The following DCAF4L1 variants were observed in gnomAD, a reference collection of about 807,000 sequenced individuals.
DCAF4L1 encodes DDB1 and CUL4 associated factor 4 like 1.
In DCAF4L1, 4 loss-of-function variants were observed where a neutral mutation model predicts 28.2. The ratio of observed to expected loss-of-function variants is 0.14; its 90% CI spans 0.07 to 0.33. The LOEUF is 0.33. Ranked by LOEUF, DCAF4L1 falls within the 10% of genes least tolerant of loss-of-function variation. The pLI is 1.00. For missense variants in DCAF4L1, 331 were observed against 506.1 expected (o/e 0.65, Z 3.32); for synonymous variants, 252 against 212.1 (o/e 1.19, Z -1.63).
In DCAF4L1 at chr4:41,985,667, G is replaced by A. The variant is rs548106648; in HGVS notation, c.*2684G>A. 1 of 167,184 alleles carries A rather than the reference G, an allele frequency of 6.0e-6. No individual in the cohort carries two copies. The highest frequency in any genetic ancestry group is 2.4e-5 in the African/African-American group (1 of 41,576). 10.4% of individuals were successfully genotyped at this position (167,184 alleles called of 1,614,324 possible). ...TACCCAAATGTTCATTAATAGTAGA[G>A]TGGATAAATTGTGGGATATTAACAC... On this transcript the variant is annotated 3_prime_UTR_variant, in exon 1 of 1. Transcript: ENST00000333141.
At position 41,984,949 on chromosome 4, in the gene DCAF4L1, A is replaced by G. The variant is rs1447510912; in HGVS notation, c.*1966A>G. ...ACTTGCTGTTGTTTCTTCAGTGTAA[A>G]ATGTCTTAGATAATAAAACTAAATG... On this transcript the variant is annotated 3_prime_UTR_variant, in exon 1 of 1. Transcript: ENST00000333141. The G allele has an allele frequency of 6.0e-6, 1 of 167,038 alleles. No homozygotes were observed. The highest frequency in any genetic ancestry group is 1.5e-5 in the Non-Finnish European group (1 of 68,100). 10.3% of individuals were successfully genotyped at this position (167,038 alleles called of 1,614,324 possible).
chr4:41,982,633 G>A lies in DCAF4L1; in HGVS notation c.841G>A (p.Glu281Lys), dbSNP rs939114622. The A allele has an allele frequency of 5.0e-6, 8 of 1,614,142 alleles. No homozygotes were observed. The highest frequency in any genetic ancestry group is 2.7e-5 in the African/African-American group (2 of 74,940). ...AGTGACCTCTGTGCAAATCCTCCAA[G>A]AAGAGCAATGCCTGATGGCATCAGA... ...SAVTSVQILQ[E>K]EQCLMASDMT... Residue 281 changes from glutamate (E) to lysine (K), a missense_variant, in exon 1 of 1, where the codon GAA becomes AAA. Coordinates refer to ENST00000333141, the MANE Select transcript of DCAF4L1 (RefSeq NM_001029955.4). The surrounding 1 kb of genome is among the most constrained non-coding windows in gnomAD (Gnocchi z 4.4).
chr4:41,986,269 T>C lies in DCAF4L1; in HGVS notation c.*3286T>C, dbSNP rs1416238750. 1.2e-5 allele frequency: 2 copies of C among 167,098 alleles called. No homozygotes were observed. The highest frequency in any genetic ancestry group is 4.8e-5 in the African/African-American group (2 of 41,432). The allele number at this position is 167,098 out of a possible 1,614,324, so 10.4% of individuals were successfully genotyped here. The stretch of plus-strand genomic sequence containing the variant: ...GTTAGTCGCTCCTGTTTCCTTAGTT[T>C]GGGATTCTGAGCACACATTCGTTTT... On this transcript the variant is annotated 3_prime_UTR_variant, in exon 1 of 1. Coordinates refer to ENST00000333141, the MANE Select transcript of DCAF4L1 (RefSeq NM_001029955.4).
chr4:41,981,991 T>G lies in DCAF4L1; in HGVS notation c.199T>G (p.Ser67Ala). ...GGTCCAAATTCGGAGCTTGGATCCCTCCTCTTTGGCGAGCGACCGATTTAA... is the reference window on the plus strand; with the variant it reads ...GGTCCAAATTCGGAGCTTGGATCCCGCCTCTTTGGCGAGCGACCGATTTAA... ...KKVQIRSLDP[S>A]SLASDRFNFI... Residue 67 changes from serine (S) to alanine (A), a missense_variant, in exon 1 of 1, where the codon TCC (serine) becomes GCC (alanine). Physicochemically the swap from Ser to Ala is moderately conservative, Grantham distance 99. Transcript: ENST00000333141. 6.2e-7 allele frequency: 1 copy of G among 1,614,230 alleles called. No homozygotes were observed. The highest frequency in any genetic ancestry group is 1.1e-5 in the South Asian group (1 of 91,090).
chr4:41,986,327 T>TA lies in DCAF4L1; in HGVS notation c.*3345dup, dbSNP rs1180314725. 1 of 166,562 alleles carries TA rather than the reference T, an allele frequency of 6.0e-6. No homozygotes were observed. Among genetic ancestry groups the TA allele is most frequent in the Admixed American group, 6.6e-5 (1 of 15,150 alleles). 10.3% of individuals were successfully genotyped at this position (166,562 alleles called of 1,614,324 possible). On this transcript the variant is annotated 3_prime_UTR_variant, in exon 1 of 1. Coordinates refer to ENST00000333141, the MANE Select transcript of DCAF4L1 (RefSeq NM_001029955.4). ...AGGGTCGTTCTCAGGATATGGTTGT[T>TA]ACTGCTGTCAGGTGCATCCTCTCTA...
Position 41,985,773 on chromosome 4 carries a change from A to C in DCAF4L1, c.*2790A>C, listed in dbSNP as rs1292435863. The C allele has an allele frequency of 6.0e-6, 1 of 167,096 alleles. No homozygotes were observed. Among genetic ancestry groups the C allele is most frequent in the African/African-American group, 2.4e-5 (1 of 41,448 alleles). 10.4% of individuals were successfully genotyped at this position (167,096 alleles called of 1,614,324 possible). On this transcript the variant is annotated 3_prime_UTR_variant, in exon 1 of 1. Coordinates refer to ENST00000333141, the MANE Select transcript of DCAF4L1 (RefSeq NM_001029955.4). ...ACATAATGTTGAAATAAAGATGCCA[A>C]ACACAAAAGAGCACATATTGTACAA...
rs1714107763 is a variant in DCAF4L1 at position 41,985,042 on chromosome 4, A to G, written c.*2059A>G. On this transcript the variant is annotated 3_prime_UTR_variant, in exon 1 of 1. Transcript: ENST00000333141. ...TTACATTGTAAGCATTCAAAATAAAACAAAACAATTAATGAAGAAAAGACA... is the reference window on the plus strand; with the variant it reads ...TTACATTGTAAGCATTCAAAATAAAGCAAAACAATTAATGAAGAAAAGACA... The G allele has an allele frequency of 6.0e-6, 1 of 166,998 alleles. No homozygotes were observed. The highest frequency in any genetic ancestry group is 1.5e-5 in the Non-Finnish European group (1 of 68,098). 10.3% of individuals were successfully genotyped at this position (166,998 alleles called of 1,614,324 possible). A position where few individuals can be genotyped will look rare whatever the true frequency, so the allele number is the denominator to read the frequency against.
rs1714053350 is a variant in DCAF4L1 at position 41,983,372 on chromosome 4, G to A, written c.*389G>A. 1 of 177,558 alleles carries A rather than the reference G, an allele frequency of 5.6e-6. No individual in the cohort carries two copies. The highest frequency in any genetic ancestry group is 1.7e-4 in the South Asian group (1 of 5,882). The allele number at this position is 177,558 out of a possible 1,614,324, so 11.0% of individuals were successfully genotyped here. A position where few individuals can be genotyped will look rare whatever the true frequency, so the allele number is the denominator to read the frequency against. ...TTAGAGAAGCATAATGATGGTACTGGTAAGACTGTTTGACTAATCATACAG... is the reference window on the plus strand; with the variant it reads ...TTAGAGAAGCATAATGATGGTACTGATAAGACTGTTTGACTAATCATACAG... On this transcript the variant is annotated 3_prime_UTR_variant, in exon 1 of 1. Coordinates refer to ENST00000333141, the MANE Select transcript of DCAF4L1 (RefSeq NM_001029955.4).
rs1474869029 is a variant in DCAF4L1, at chr4:41,985,200, G to A, written c.*2217G>A. ...CTTGATAAACTGTTTATCCTCATTT[G>A]CAAAGAAAACAAATGCAAAAAAAAA... On this transcript the variant is annotated 3_prime_UTR_variant, in exon 1 of 1. Transcript: ENST00000333141. 1 of 166,238 alleles carries A rather than the reference G, an allele frequency of 6.0e-6. No individual in the cohort carries two copies. The highest frequency in any genetic ancestry group is 1.5e-5 in the Non-Finnish European group (1 of 67,944). 10.3% of individuals were successfully genotyped at this position (166,238 alleles called of 1,614,324 possible).
chr4:41,982,281 GTTC>G lies in DCAF4L1; in HGVS notation c.492_494del (p.Phe164del). On this transcript the variant is annotated inframe_deletion, in exon 1 of 1. Coordinates refer to ENST00000333141, the MANE Select transcript of DCAF4L1 (RefSeq NM_001029955.4). The surrounding 1 kb of genome is among the most constrained non-coding windows in gnomAD (Gnocchi z 4.4). ...GTGCAGTGCTGCTCCCAGCGTCGCG[GTTC>G]TTAAGTGTTCACACAAGAGTTAACC... 6.2e-7 allele frequency: 1 copy of G among 1,614,204 alleles called. No homozygotes were observed.
rs1227685343 is a variant in DCAF4L1, at chr4:41,984,065, G to C, written c.*1082G>C. 6.1e-6 allele frequency: 1 copy of C among 163,056 alleles called. No homozygotes were observed. Among genetic ancestry groups the C allele is most frequent in the Non-Finnish European group, 1.5e-5 (1 of 68,078 alleles). 10.1% of individuals were successfully genotyped at this position (163,056 alleles called of 1,614,324 possible). On this transcript the variant is annotated 3_prime_UTR_variant, in exon 1 of 1. Coordinates refer to ENST00000333141, the MANE Select transcript of DCAF4L1 (RefSeq NM_001029955.4). ...AAAAACTTGTCTATGGTGATTAAAGGTAGAGTAGTACGTACCTCTGTAGAA... is the reference window on the plus strand; with the variant it reads ...AAAAACTTGTCTATGGTGATTAAAGCTAGAGTAGTACGTACCTCTGTAGAA...
Position 41,984,586 on chromosome 4 carries a change from C to T in DCAF4L1, c.*1603C>T, listed in dbSNP as rs1327734796. The stretch of plus-strand genomic sequence containing the variant: ...GTAGATGATGGTGTCGTTTACTAAC[C>T]TGGGGAGGATGAGGAGAAAAAACTT... On this transcript the variant is annotated 3_prime_UTR_variant, in exon 1 of 1. Transcript: ENST00000333141. 1 of 166,722 alleles carries T rather than the reference C, an allele frequency of 6.0e-6. No homozygotes were observed. Among genetic ancestry groups the T allele is most frequent in the African/African-American group, 2.4e-5 (1 of 41,318 alleles). 10.3% of individuals were successfully genotyped at this position (166,722 alleles called of 1,614,324 possible).
rs1301647683 is a variant in DCAF4L1 at position 41,983,254 on chromosome 4, C to G, written c.*271C>G. 1 of 251,098 alleles carries G rather than the reference C, an allele frequency of 4.0e-6. No individual in the cohort carries two copies. Among genetic ancestry groups the G allele is most frequent in the African/African-American group, 2.6e-5 (1 of 38,454 alleles). 15.6% of individuals were successfully genotyped at this position (251,098 alleles called of 1,614,324 possible). A position where few individuals can be genotyped will look rare whatever the true frequency, so the allele number is the denominator to read the frequency against. ...TAGAACAGTTAACCACCTCCCCAAC[C>G]CTTTTTTTTTTTAAATAATTAAGAC... On this transcript the variant is annotated 3_prime_UTR_variant, in exon 1 of 1. Coordinates refer to ENST00000333141, the MANE Select transcript of DCAF4L1 (RefSeq NM_001029955.4).
chr4:41,983,083 T>C lies in DCAF4L1; in HGVS notation c.*100T>C. On this transcript the variant is annotated 3_prime_UTR_variant, in exon 1 of 1. Transcript: ENST00000333141. ...AGAGCATTTTAAGAGACGTGTTGTA[T>C]ATAGATCGCATCCATCCGGCTGCCA... 4.5e-6 allele frequency: 5 copies of C among 1,105,920 alleles called. No homozygotes were observed. Among genetic ancestry groups the C allele is most frequent in the Non-Finnish European group, 6.4e-6 (5 of 776,204 alleles). The allele number at this position is 1,105,920 out of a possible 1,614,324, so 68.5% of individuals were successfully genotyped here.
In DCAF4L1 at chr4:41,982,296, C is replaced by T. The variant is rs368468357; in HGVS notation, c.504C>T (p.His168=). The T allele has an allele frequency of 8.7e-6, 14 of 1,614,114 alleles. No homozygotes were observed. Among genetic ancestry groups the T allele is most frequent in the Non-Finnish European group, 1.1e-5 (13 of 1,180,058 alleles). Residue 168 remains histidine, a synonymous_variant, in exon 1 of 1, where the codon CAC becomes CAT. Coordinates refer to ENST00000333141, the MANE Select transcript of DCAF4L1 (RefSeq NM_001029955.4). The surrounding 1 kb of genome is among the most constrained non-coding windows in gnomAD (Gnocchi z 4.4). ...LLPASRFLSV[H]TRVNQPGMLC... is the part of the protein sequence containing the mutation. ...CAGCGTCGCGGTTCTTAAGTGTTCACACAAGAGTTAACCAGCCTGGCATGC... is the reference window on the plus strand; with the variant it reads ...CAGCGTCGCGGTTCTTAAGTGTTCATACAAGAGTTAACCAGCCTGGCATGC...
chr4:41,982,549 C>A lies in DCAF4L1; in HGVS notation c.757C>A (p.Leu253Met). The A allele has an allele frequency of 6.2e-7, 1 of 1,614,220 alleles. No individual in the cohort carries two copies. The highest frequency in any genetic ancestry group is 8.5e-7 in the Non-Finnish European group (1 of 1,180,052). ...CRSGEIFAID[L>M]RCRNRGKGWR... ...CTCCGGGGAGATCTTTGCCATTGAT[C>A]TGCGTTGTAGAAATCGAGGCAAGGG... Residue 253 changes from leucine (L) to methionine (M), a missense_variant, in exon 1 of 1, where the codon CTG (leucine) becomes ATG (methionine). Transcript: ENST00000333141. The surrounding 1 kb of genome is among the most constrained non-coding windows in gnomAD (Gnocchi z 4.4).
At position 41,983,363 on chromosome 4, in the gene DCAF4L1, A is replaced by G. The variant is rs1273624927; in HGVS notation, c.*380A>G. 5.3e-6 allele frequency: 1 copy of G among 189,644 alleles called. No individual in the cohort carries two copies. Among genetic ancestry groups the G allele is most frequent in the Non-Finnish European group, 1.2e-5 (1 of 81,820 alleles). 11.7% of individuals were successfully genotyped at this position (189,644 alleles called of 1,614,324 possible). A position where few individuals can be genotyped will look rare whatever the true frequency, so the allele number is the denominator to read the frequency against. ...AGTAGCCCTTTAGAGAAGCATAATG[A>G]TGGTACTGGTAAGACTGTTTGACTA... On this transcript the variant is annotated 3_prime_UTR_variant, in exon 1 of 1. Coordinates refer to ENST00000333141, the MANE Select transcript of DCAF4L1 (RefSeq NM_001029955.4).
chr4:41,981,923 G>A lies in DCAF4L1; in HGVS notation c.131G>A (p.Arg44His). 6.2e-7 allele frequency: 1 copy of A among 1,614,208 alleles called. No homozygotes were observed. The highest frequency in any genetic ancestry group is 8.5e-7 in the Non-Finnish European group (1 of 1,180,032). ...LGFLNVTSYS[R>H]LANELRVSCM... Reference sequence around the variant, plus strand: ...TTCCTCAACGTCACCAGTTACTCCCGTTTAGCCAACGAGCTGCGTGTGAGC... The same window carrying A: ...TTCCTCAACGTCACCAGTTACTCCCATTTAGCCAACGAGCTGCGTGTGAGC... Residue 44 changes from arginine to histidine, a missense_variant, in exon 1 of 1, where the codon CGT becomes CAT. By Grantham distance (29) the Arg-to-His change is conservative. Coordinates refer to ENST00000333141, the MANE Select transcript of DCAF4L1 (RefSeq NM_001029955.4).
Position 41,982,660 on chromosome 4 carries a change from A to T in DCAF4L1, c.868A>T (p.Met290Leu). The T allele has an allele frequency of 6.2e-7, 1 of 1,614,246 alleles. No homozygotes were observed. The highest frequency in any genetic ancestry group is 8.5e-7 in the Non-Finnish European group (1 of 1,180,036). Residue 290 changes from methionine (M) to leucine (L), a missense_variant, in exon 1 of 1, where the codon ATG (methionine) becomes TTG (leucine). Transcript: ENST00000333141. This position sits in a 1 kb window ranked among gnomAD's most constrained non-coding sequence, Gnocchi z 4.4. ...QEEQCLMASD[M>L]TGKIKLWDLR... ...AGAGCAATGCCTGATGGCATCAGAC[A>T]TGACTGGAAAGATCAAGCTGTGGGA...
Sources: gnomAD v4.1 joint callset for allele counts on GRCh38, gnomAD v4.1.1 for gene constraint, Gnocchi (gnomAD v3.1) non-coding constraint, MANE v1.5 for transcripts, NCBI Gene and HGNC (gene_info 2026-07-23, HGNC 2026-07-21) for gene names.